The following SAMD12 variants were observed in gnomAD, a reference collection of about 807,000 sequenced individuals.
The protein encoded by SAMD12 is sterile alpha motif domain-containing protein 12.
SAMD12 carries 9 observed loss-of-function variants against 15.0 expected under a neutral mutation model. The observed-to-expected ratio is 0.60, with a 90% CI of 0.36 to 1.05. The LOEUF is 1.05. SAMD12 is among the 50% of genes least tolerant of loss of function. The pLI is 0.01. For synonymous variants in SAMD12, 86 were observed against 90.1 expected (o/e 0.96, Z 0.25); for missense variants, 230 against 234.2 (o/e 0.98, Z 0.12).
intron 2 of SAMD12, among the ~76,000 whole-genome samples, chr8:118,482,884 C>T (rs1330168460): frequency 6.6e-6 from 1 of 152,212 alleles, no homozygotes; most frequent in Admixed American, 6.5e-5. Context: ...CTGGAAGCCT[C>T]CTCTGTACTG....
intron 2 of SAMD12, among the ~76,000 whole-genome samples, chr8:118,562,923 T>C (rs1011877273): frequency 2.6e-5 from 4 of 151,642 alleles, no homozygotes; most frequent in Admixed American, 6.6e-5. Context: ...TTCATGGAGA[T>C]TGCCAAGGAG....
intron 2 of SAMD12, among the ~76,000 whole-genome samples, chr8:118,573,421 G>C (rs1827073100): frequency 6.6e-6 from 1 of 152,080 alleles, no homozygotes; most frequent in Admixed American, 6.6e-5. Flanking sequence ...CCAGTCTTGG[G>C]TATTTTCTTA....
chr8:118,153,847 G>A, the SAMD12 span, among the ~76,000 whole-genome samples: 1 of 152,036 alleles, frequency 6.6e-6, no homozygotes, highest in Admixed American at 6.6e-5. Flanking sequence ...ATTCTACTTA[G>A]AAGCCTGAGC....
chr8:118,425,156 T>C (rs57203233), intron 3 of SAMD12, among the ~76,000 whole-genome samples: 4,206 of 152,154 alleles, frequency 0.028, 200 homozygotes, highest in African/African-American at 0.094. Context: ...GCCAGGATGG[T>C]CTCAATTTCC....
intron 3 of SAMD12, among the ~76,000 whole-genome samples, chr8:118,424,770 C>T (rs1822168063): frequency 4.6e-5 from 7 of 152,056 alleles, no homozygotes; most frequent in Admixed American, 4.6e-4. Flanking sequence ...CCATCAATAA[C>T]ACATGACATC....
intron 4 of SAMD12, among the ~76,000 whole-genome samples, chr8:118,300,919 T>C (rs1326593649): frequency 6.6e-6 from 1 of 152,244 alleles, no homozygotes; most frequent in Non-Finnish European, 1.5e-5. Context: ...TTTAACATGA[T>C]GCATAAAGAT....
chr8:118,235,969 T>A (rs749277919), intron 4 of SAMD12, among the ~76,000 whole-genome samples: 1 of 152,204 alleles, frequency 6.6e-6, no homozygotes, highest in African/African-American at 2.4e-5. Context: ...ACGGACTATG[T>A]GATATGCTAT....
intron 1 of SAMD12, among the ~76,000 whole-genome samples, chr8:118,601,780 C>T (rs1220432048): frequency 1.3e-5 from 2 of 152,182 alleles, no homozygotes; most frequent in Non-Finnish European, 2.9e-5. Flanking sequence ...CAATCTCTTA[C>T]CCCCATCCCT....
chr8:118,152,405 T>G, the SAMD12 span, among the ~76,000 whole-genome samples: 12 of 152,020 alleles, frequency 7.9e-5, no homozygotes, highest in Admixed American at 2.0e-4. Context: ...TTCCTTTCTT[T>G]CCTTTCCTTC....
chr8:118,566,357 C>T (rs73319335), intron 2 of SAMD12, among the ~76,000 whole-genome samples: 1,647 of 152,236 alleles, frequency 0.011, 34 homozygotes, highest in African/African-American at 0.037. Flanking sequence ...TATTTTCGAT[C>T]GCAGTTTTTC....
At chr8:118,512,664 C>A (rs1825119494) in intron 2 of SAMD12, among the ~76,000 whole-genome samples, 1 of 152,208 alleles carries the variant, frequency 6.6e-6, no homozygotes, top group Non-Finnish European at 1.5e-5. Context: ...AATAATATTA[C>A]TAAAACACTG....
At chr8:118,530,154 G>A (rs1415372021) in intron 2 of SAMD12, among the ~76,000 whole-genome samples, 1 of 152,086 alleles carries the variant, frequency 6.6e-6, no homozygotes, top group Non-Finnish European at 1.5e-5. Context: ...TCGTATGTTT[G>A]TTGGCTGTTT....
intron 4 of SAMD12, among the ~76,000 whole-genome samples, chr8:118,368,570 A>G (rs1421091558): frequency 6.6e-6 from 1 of 152,190 alleles, no homozygotes; most frequent in Non-Finnish European, 1.5e-5. Flanking sequence ...GAATGAAGAG[A>G]TTCTTAAAAA....
intron 2 of SAMD12, among the ~76,000 whole-genome samples, chr8:118,483,101 C>A (rs1370312427): frequency 6.6e-6 from 1 of 151,994 alleles, no homozygotes; most frequent in East Asian, 1.9e-4. Context: ...ATATGATGAG[C>A]CTCATGAATA....
chr8:118,608,640 A>T (rs2131311445), intron 1 of SAMD12, among the ~76,000 whole-genome samples: 1 of 152,146 alleles, frequency 6.6e-6, no homozygotes, highest in South Asian at 2.1e-4. Context: ...AGTAGCTGGG[A>T]CTACAGGTGT....
chr8:118,159,148 T>C, the SAMD12 span, among the ~76,000 whole-genome samples: 1 of 152,016 alleles, frequency 6.6e-6, no homozygotes, highest in Non-Finnish European at 1.5e-5. Context: ...CTGTGGCCCT[T>C]CAGGGAGCCC....
At position 118,326,611 on chromosome 8, in the gene SAMD12, T is replaced by G. The variant is rs1406637772; in HGVS notation, c.433+52949A>C. On this transcript the variant is annotated intron_variant, in intron 4 of 4. Transcript: ENST00000409003. ...GCTTAGTAGAGATCACCATCCTCCC[T>G]CTAGCCCCCCAACTAAGGAATTGTT... 2.0e-5 allele frequency among the ~76,000 whole-genome samples: 3 copies of G among 152,294 alleles called. No homozygotes were observed. In the East Asian group the frequency reaches 5.8e-4, roughly 29 times the overall value.
chr8:118,307,741 T>C (rs1815416925), intron 4 of SAMD12, among the ~76,000 whole-genome samples: 1 of 152,222 alleles, frequency 6.6e-6, no homozygotes, highest in African/African-American at 2.4e-5. Flanking sequence ...TTTATTCCTC[T>C]GTACAGTTTG....
intron 2 of SAMD12, among the ~76,000 whole-genome samples, chr8:118,463,438 G>A (rs1392023289): frequency 1.3e-5 from 2 of 152,146 alleles, no homozygotes; most frequent in South Asian, 2.1e-4. Flanking sequence ...AGCATCGTGT[G>A]GGAAGTTGAG....
Sources: gnomAD v4.1 joint callset for allele counts (sites outside exome capture counted in the v4.1 genomes callset) on GRCh38, gnomAD v4.1.1 for gene constraint, MANE v1.5 for transcripts, NCBI Gene and HGNC (gene_info 2026-07-23, HGNC 2026-07-21) for gene names.